Variants in RALYL observed in about 807,000 individuals in gnomAD.
RALYL encodes RNA-binding Raly-like protein.
RALYL carries 29 observed loss-of-function variants against 35.1 expected under a neutral mutation model. The ratio of observed to expected loss-of-function variants is 0.83; its 90% confidence interval spans 0.61 to 1.13. RALYL has a LOEUF of 1.13. Ranked by LOEUF, RALYL falls within the 50% of genes most tolerant of loss-of-function variation. The probability of loss-of-function intolerance (pLI) is 0.00; values close to 1 mark genes in which losing one functional copy is unlikely to be tolerated. For missense variants in RALYL, 359 were observed against 360.4 expected (o/e 1.00, Z 0.03); for synonymous variants, 120 against 127.6 (o/e 0.94, Z 0.40).
chr8:84,677,776 C>G (rs574097227), intron 2 of RALYL, among the ~76,000 whole-genome samples: 4 of 152,194 alleles, frequency 2.6e-5, no homozygotes, highest in Non-Finnish European at 2.9e-5. Flanking sequence ...CCAGCTCCCA[C>G]GTGAAATGAC....
At chr8:84,189,833 A>G (rs1813427798) in intron 1 of RALYL, among the ~76,000 whole-genome samples, 1 of 152,174 alleles carries the variant, frequency 6.6e-6, no homozygotes, top group South Asian at 2.1e-4. Flanking sequence ...AGTGCTTTCC[A>G]CTAGTGAGTG....
chr8:84,249,019 C>G (rs889101963), intron 1 of RALYL, among the ~76,000 whole-genome samples: 1 of 151,830 alleles, frequency 6.6e-6, no homozygotes, highest in Non-Finnish European at 1.5e-5. Context: ...AGTCATGGAA[C>G]GAGCATTTCT....
intron 2 of RALYL, among the ~76,000 whole-genome samples, chr8:84,590,584 G>T (rs932119463): frequency 6.6e-6 from 1 of 152,178 alleles, no homozygotes; most frequent in Non-Finnish European, 1.5e-5. Context: ...TCATGTGGAA[G>T]GAGGATTAGA....
chr8:84,693,119 A>C (rs2132184475), intron 2 of RALYL, among the ~76,000 whole-genome samples: 1 of 152,092 alleles, frequency 6.6e-6, no homozygotes, highest in South Asian at 2.1e-4. Flanking sequence ...TAGAAAACTA[A>C]TACACTCATT....
chr8:84,295,946 T>G (rs976455235), intron 1 of RALYL, among the ~76,000 whole-genome samples: 2 of 152,258 alleles, frequency 1.3e-5, no homozygotes, highest in African/African-American at 4.8e-5. Flanking sequence ...CACTTTGAGC[T>G]AATGGGGAAA....
At chr8:84,632,443 A>G (rs934210775) in intron 2 of RALYL, among the ~76,000 whole-genome samples, 3 of 151,912 alleles carry the variant, frequency 2.0e-5, no homozygotes, top group Non-Finnish European at 4.4e-5. Flanking sequence ...AACTCTGAGT[A>G]TTTGGATATA....
At chr8:84,297,293 G>A (rs545920233) in intron 1 of RALYL, among the ~76,000 whole-genome samples, 1 of 152,010 alleles carries the variant, frequency 6.6e-6, no homozygotes, top group East Asian at 1.9e-4. Context: ...ACTTATAAGT[G>A]AGAATATGTG....
chr8:84,523,255 G>T (rs1294594067), intron 1 of RALYL, among the ~76,000 whole-genome samples: 1 of 151,800 alleles, frequency 6.6e-6, no homozygotes, highest in Non-Finnish European at 1.5e-5. Flanking sequence ...CAGCAGGCAA[G>T]AGGGCATGTG....
intron 1 of RALYL, among the ~76,000 whole-genome samples, chr8:84,393,955 C>T (rs542922055): frequency 1.3e-5 from 2 of 152,044 alleles, no homozygotes; most frequent in Non-Finnish European, 2.9e-5. Context: ...AAATCCAGCT[C>T]TCTGAATTTT....
intron 2 of RALYL, among the ~76,000 whole-genome samples, chr8:84,732,956 A>T (rs1846526421): frequency 6.6e-6 from 1 of 151,924 alleles, no homozygotes; most frequent in Non-Finnish European, 1.5e-5. Flanking sequence ...TCAGCCTCCC[A>T]AAGTGCTGGG....
At chr8:84,789,457 TG>T (rs1314238400) in intron 3 of RALYL, among the ~76,000 whole-genome samples, 2 of 152,222 alleles carry the variant, frequency 1.3e-5, no homozygotes, top group Non-Finnish European at 2.9e-5. Context: ...TTTTATGATT[TG>T]TTGAAGATTA....
intron 2 of RALYL, among the ~76,000 whole-genome samples, chr8:84,649,961 C>A (rs1010786720): frequency 6.6e-6 from 1 of 152,052 alleles, no homozygotes; most frequent in African/African-American, 2.4e-5. Flanking sequence ...TTTCATTGAG[C>A]AGTGCTTTGT....
At chr8:84,195,847 T>G (rs2130929577) in intron 1 of RALYL, among the ~76,000 whole-genome samples, 1 of 152,272 alleles carries the variant, frequency 6.6e-6, no homozygotes, top group Non-Finnish European at 1.5e-5. Flanking sequence ...AAGTAAATGG[T>G]GAAATTTTGA....
intron 1 of RALYL, among the ~76,000 whole-genome samples, chr8:84,340,149 G>A (rs1392618992): frequency 1.3e-5 from 2 of 152,046 alleles, no homozygotes; most frequent in African/African-American, 4.8e-5. Flanking sequence ...CCAGCCATGT[G>A]AAACTGTGTG....
intron 2 of RALYL, among the ~76,000 whole-genome samples, chr8:84,543,271 T>A (rs1261284259): frequency 6.6e-6 from 1 of 152,086 alleles, no homozygotes; most frequent in Non-Finnish European, 1.5e-5. Flanking sequence ...TTTATTGTTT[T>A]TTTTTGCTGG....
chr8:84,262,629 C>T (rs934308623), intron 1 of RALYL, among the ~76,000 whole-genome samples: 1 of 152,006 alleles, frequency 6.6e-6, no homozygotes, highest in South Asian at 2.1e-4. Flanking sequence ...ACTTTTGATA[C>T]ATAGAAATAA....
intron 2 of RALYL, among the ~76,000 whole-genome samples, chr8:84,710,205 C>T (rs1257895410): frequency 1.3e-5 from 2 of 152,150 alleles, no homozygotes; most frequent in African/African-American, 4.8e-5. Flanking sequence ...GAAGGTTTCA[C>T]TCACATGCCA....
At chr8:84,504,991 T>C (rs930232418) in intron 1 of RALYL, among the ~76,000 whole-genome samples, 10 of 152,058 alleles carry the variant, frequency 6.6e-5, no homozygotes, top group African/African-American at 2.4e-4. Flanking sequence ...AAACCATCCA[T>C]CTAAGTGATG....
chr8:84,249,084 A>C (rs916489314), intron 1 of RALYL, among the ~76,000 whole-genome samples: 1 of 152,108 alleles, frequency 6.6e-6, no homozygotes, highest in Non-Finnish European at 1.5e-5. Context: ...TTTAAAAAGA[A>C]CTGTGTTGGC....
Sources: gnomAD v4.1 joint callset for allele counts (sites outside exome capture counted in the v4.1 genomes callset) on GRCh38, gnomAD v4.1.1 for gene constraint, MANE v1.5 for transcripts, NCBI Gene and HGNC (gene_info 2026-07-23, HGNC 2026-07-21) for gene names.